The following ACBD6 variants were observed in gnomAD, a reference collection of about 807,000 sequenced individuals.
ACBD6 encodes acyl-CoA-binding domain-containing protein 6.
In ACBD6, 28 loss-of-function variants were observed where a neutral mutation model predicts 37.2. The ratio of observed to expected loss-of-function variants is 0.75; its 90% CI spans 0.56 to 1.03. ACBD6 has a LOEUF of 1.03. Ranked by LOEUF, ACBD6 falls within the 50% of genes least tolerant of loss-of-function variation. ACBD6 has a pLI of 0.00. For synonymous variants in ACBD6, 113 were observed against 126.8 expected (o/e 0.89, Z 0.73); for missense variants, 340 against 337.4 (o/e 1.01, Z -0.06).
chr1:180,470,904 A>G (rs995323735), intron 3 of ACBD6, among the ~76,000 whole-genome samples: 3 of 152,234 alleles, frequency 2.0e-5, no homozygotes, highest in African/African-American at 7.2e-5. Context: ...GTGTGAAGAT[A>G]GGTAAAAATA....
At chr1:180,497,436 A>G (rs150568281) in intron 1 of ACBD6, among the ~76,000 whole-genome samples, 45 of 152,312 alleles carry the variant, frequency 3.0e-4, no homozygotes, top group Non-Finnish European at 6.2e-4. Context: ...ACCTCTGACC[A>G]TGAAAAAGGA....
intron 1 of ACBD6, among the ~76,000 whole-genome samples, chr1:180,501,188 G>A (rs947113746): frequency 3.3e-5 from 5 of 152,126 alleles, no homozygotes; most frequent in South Asian, 2.1e-4. Flanking sequence ...GTAAAAGAAG[G>A]GCATTATTTC....
At chr1:180,422,827 C>T (rs73037424) in intron 4 of ACBD6, among the ~76,000 whole-genome samples, 5,131 of 152,260 alleles carry the variant, frequency 0.034, 258 homozygotes, top group African/African-American at 0.092. Context: ...AGATGATTAG[C>T]GTCTTGGCAT....
At chr1:180,431,513 T>C (rs1372187752) in intron 3 of ACBD6, among the ~76,000 whole-genome samples, 1 of 152,190 alleles carries the variant, frequency 6.6e-6, no homozygotes, top group Admixed American at 6.5e-5. Flanking sequence ...AGATAATGTA[T>C]TTCTTTATAC....
At chr1:180,306,806 G>C (rs1209609153) in intron 7 of ACBD6, among the ~76,000 whole-genome samples, 2 of 151,956 alleles carry the variant, frequency 1.3e-5, no homozygotes, top group African/African-American at 2.4e-5. Flanking sequence ...TCTCCTTCTG[G>C]AACTATTAAA....
chr1:180,345,600 C>CT (rs1182008485), intron 6 of ACBD6, among the ~76,000 whole-genome samples: 4 of 152,084 alleles, frequency 2.6e-5, no homozygotes, highest in Non-Finnish European at 4.4e-5. Context: ...TAGAAACAAT[C>CT]TAAGTGTCCA....
In ACBD6 at chr1:180,446,258, C is replaced by A. The variant is rs572221431; in HGVS notation, c.385-15996G>T. 5.3e-5 allele frequency among the ~76,000 whole-genome samples: 8 copies of A among 151,938 alleles called. No homozygotes were observed. The East Asian group carries it at 1.5e-3, about 29-fold the overall frequency. On this transcript the variant is annotated intron_variant, in intron 3 of 7. Coordinates refer to ENST00000367595, the MANE Select transcript of ACBD6 (RefSeq NM_032360.4). ...TAACTCCTGGGCTCAAGCGATCTAC[C>A]CACCTCAGCCTCCCTAAGTGCTGAG...
intron 3 of ACBD6, among the ~76,000 whole-genome samples, chr1:180,462,100 G>A (rs1306643602): frequency 6.6e-6 from 1 of 152,134 alleles, no homozygotes; most frequent in Non-Finnish European, 1.5e-5. Flanking sequence ...GCTGGGCGTG[G>A]TGGCACAGAC....
At chr1:180,296,943 G>A (rs1012508876) in intron 7 of ACBD6, among the ~76,000 whole-genome samples, 2 of 151,904 alleles carry the variant, frequency 1.3e-5, no homozygotes, top group Admixed American at 6.6e-5. Flanking sequence ...TGGCTAACAC[G>A]GTGAAACCCC....
At chr1:180,275,032 T>A (rs2149269377) in exon 10 of ACBD6, 1 of 157,266 alleles carries the variant, frequency 6.4e-6, no homozygotes, top group South Asian at 2.0e-4. Context: ...TTGAGTAAAA[T>A]AAAAGTGATT....
intron 6 of ACBD6, among the ~76,000 whole-genome samples, chr1:180,392,199 G>A (rs1268542743): frequency 6.6e-6 from 1 of 152,024 alleles, no homozygotes; most frequent in Non-Finnish European, 1.5e-5. Flanking sequence ...ACTTTCTAGA[G>A]GTTCCAGGAA....
chr1:180,376,930 A>C (rs1466623084), intron 6 of ACBD6, among the ~76,000 whole-genome samples: 2 of 152,216 alleles, frequency 1.3e-5, no homozygotes, highest in East Asian at 3.8e-4. Flanking sequence ...GAATAACATA[A>C]CTATACTGAA....
chr1:180,465,938 A>G (rs755285261), intron 3 of ACBD6, among the ~76,000 whole-genome samples: 4 of 152,134 alleles, frequency 2.6e-5, no homozygotes, highest in Non-Finnish European at 4.4e-5. Context: ...GTTCTCACTT[A>G]TAAGTGGGAG....
intron 9 of ACBD6, among the ~76,000 whole-genome samples, chr1:180,280,688 T>C (rs541624129): frequency 2.0e-5 from 3 of 152,336 alleles, no homozygotes; most frequent in South Asian, 2.1e-4. Context: ...CTGGGTTATA[T>C]ACCAAGGAAG....
chr1:180,435,533 G>C, intron 3 of ACBD6: 2 of 769,896 alleles, frequency 2.6e-6, no homozygotes, highest in Non-Finnish European at 4.2e-6. Flanking sequence ...TTACAGGCAT[G>C]AGCGACCATG....
At chr1:180,472,523 T>G (rs1650608154) in intron 3 of ACBD6, among the ~76,000 whole-genome samples, 1 of 152,160 alleles carries the variant, frequency 6.6e-6, no homozygotes, top group Non-Finnish European at 1.5e-5. Context: ...TGGGTGGTTG[T>G]GTGTGTGCGG....
intron 4 of ACBD6, among the ~76,000 whole-genome samples, chr1:180,422,738 G>A (rs1467007402): frequency 6.6e-6 from 1 of 152,158 alleles, no homozygotes; most frequent in Non-Finnish European, 1.5e-5. Flanking sequence ...TACATACAAT[G>A]ATAAAATACT....
chr1:180,271,501 C>T, exon 14 of ACBD6: 1 of 1,614,188 alleles, frequency 6.2e-7, no homozygotes, highest in Non-Finnish European at 8.5e-7. Flanking sequence ...AGCAGCTGTC[C>T]TCAGAGACAG....
downstream of ACBD6, among the ~76,000 whole-genome samples, chr1:180,286,418 C>T (rs1484883293): frequency 6.6e-5 from 10 of 152,302 alleles, no homozygotes; most frequent in African/African-American, 2.4e-4. Flanking sequence ...TTAATAGCTT[C>T]TTGCTCAAAT....
Sources: gnomAD v4.1 joint callset for allele counts (sites outside exome capture counted in the v4.1 genomes callset) on GRCh38, gnomAD v4.1.1 for gene constraint, MANE v1.5 for transcripts, NCBI Gene and HGNC (gene_info 2026-07-23, HGNC 2026-07-21) for gene names.